STAMBPL1: variants seen among roughly 807,000 people sequenced by gnomAD.
STAMBPL1 encodes the protein STAM binding protein like 1.
A neutral mutation model predicts 52.9 loss-of-function variants in STAMBPL1; 44 were observed. That is an observed-to-expected ratio of 0.83 (90% CI 0.65 to 1.07). The LOEUF (loss-of-function observed/expected upper bound fraction) is 1.07, where lower values mean the gene tolerates loss of function less well. Among genes scored for constraint, STAMBPL1 ranks in the 50% least tolerant of loss-of-function variants. STAMBPL1 has a pLI of 0.00. For synonymous variants in STAMBPL1, 164 were observed against 177.3 expected (o/e 0.92, Z 0.60); for missense variants, 511 against 520.8 (o/e 0.98, Z 0.18).
Position 88,913,373 on chromosome 10 carries a change from T to C in STAMBPL1, c.693T>C (p.Asn231=), listed in dbSNP as rs755819121. The part of the protein sequence containing the change: ...SLLNVFADQP[N]KSDATNYASH... The stretch of plus-strand genomic sequence containing the variant: ...TGAATGTATTTGCAGATCAACCTAA[T>C]AAAAGTGATGCAACCAATTATGCTA... The change falls in exon 6 of 11, where the codon AAT becomes AAC. Residue 231 remains asparagine, a synonymous_variant. Transcript: ENST00000371926. The C allele has an allele frequency of 4.3e-6, 7 of 1,613,824 alleles. No individual in the cohort carries two copies. The highest frequency in any genetic ancestry group is 5.1e-6 in the Non-Finnish European group (6 of 1,179,838).
intron 1 of STAMBPL1, among the ~76,000 whole-genome samples, chr10:88,895,730 A>G (rs185862959): frequency 6.6e-6 from 1 of 152,378 alleles, no homozygotes; most frequent in Admixed American, 6.5e-5. Flanking sequence ...AACTAGTGAT[A>G]GAAACTGGCC....
intron 1 of STAMBPL1, among the ~76,000 whole-genome samples, chr10:88,888,748 G>T (rs1358056064): frequency 3.3e-5 from 5 of 152,176 alleles, no homozygotes; most frequent in Admixed American, 1.3e-4. Context: ...TAATTTACCA[G>T]AATTTACACA....
intron 1 of STAMBPL1, among the ~76,000 whole-genome samples, chr10:88,897,697 C>A (rs1454095519): frequency 2.0e-5 from 3 of 152,112 alleles, no homozygotes; most frequent in African/African-American, 7.2e-5. Context: ...GTAAAGTAAA[C>A]CTTGGAGGGG....
At chr10:88,887,076 G>A (rs1312109196) in intron 1 of STAMBPL1, among the ~76,000 whole-genome samples, 2 of 152,068 alleles carry the variant, frequency 1.3e-5, no homozygotes, top group African/African-American at 4.8e-5. Flanking sequence ...TTTATAAATT[G>A]TTCCACAAGA....
chr10:88,883,211 C>T (rs548286730), intron 1 of STAMBPL1, among the ~76,000 whole-genome samples: 3 of 152,088 alleles, frequency 2.0e-5, no homozygotes, highest in Admixed American at 1.3e-4. Flanking sequence ...ACTACATCAC[C>T]TCTTCTGCTA....
chr10:88,913,124 CA>C lies in STAMBPL1; in HGVS notation c.450del (p.Lys150AsnfsTer7). 1 of 1,598,112 alleles carries C rather than the reference CA, an allele frequency of 6.3e-7. No individual in the cohort carries two copies. Among genetic ancestry groups the C allele is most frequent in the Non-Finnish European group, 8.5e-7 (1 of 1,172,830 alleles). ...SKNKYKAEIL[K>X]KLEHQRLIEA... ...AGAACAAATATAAAGCTGAAATTCT[CA>C]AAAAATTGGAGCATCAGAGATTGAT... On this transcript the variant is annotated frameshift_variant, in exon 6 of 11. Transcript: ENST00000371926. LOFTEE classifies it high-confidence loss of function.
rs1055052425 is a variant in STAMBPL1 at position 88,880,631 on chromosome 10, G to A, written c.-61G>A. On this transcript the variant is annotated 5_prime_UTR_variant, in exon 1 of 11. Transcript: ENST00000371926. Reference sequence around the variant, plus strand: ...TCCCACACGGGCTGCGGACACCAAGGGTTGCTAGTGAGTAGCGGCGCGCGC... The same window carrying A: ...TCCCACACGGGCTGCGGACACCAAGAGTTGCTAGTGAGTAGCGGCGCGCGC... 1 of 152,268 alleles carries A rather than the reference G, an allele frequency of 6.6e-6. No individual in the cohort carries two copies. 9.4% of individuals were successfully genotyped at this position (152,268 alleles called of 1,614,324 possible).
At position 88,905,575 on chromosome 10, in the gene STAMBPL1, G is replaced by A; in HGVS notation, c.163G>A (p.Gly55Arg). The change falls in exon 3 of 11, where the codon GGA becomes AGA. Residue 55 changes from glycine (G) to arginine (R), a missense_variant. Coordinates refer to ENST00000371926, the MANE Select transcript of STAMBPL1 (RefSeq NM_020799.4). ...DITPRRYFRS[G>R]VEMERMASVY... ...CACTCCACGACGTTACTTTAGGTCTGGAGTAGAGATGGAGAGGATGGCGTC... is the reference window on the plus strand; with the variant it reads ...CACTCCACGACGTTACTTTAGGTCTAGAGTAGAGATGGAGAGGATGGCGTC... 6.2e-7 allele frequency: 1 copy of A among 1,614,122 alleles called. No individual in the cohort carries two copies. Among genetic ancestry groups the A allele is most frequent in the Non-Finnish European group, 8.5e-7 (1 of 1,180,010 alleles).
At chr10:88,893,523 C>T (rs369911579) in intron 1 of STAMBPL1, among the ~76,000 whole-genome samples, 6 of 152,116 alleles carry the variant, frequency 3.9e-5, no homozygotes, top group Non-Finnish European at 7.4e-5. Context: ...GGGCGGATCA[C>T]CTGAGGTCAG....
In STAMBPL1 at chr10:88,891,787, CA is replaced by C. The variant is rs542492549; in HGVS notation, c.-53-9868del. ...TTATTATTTTTACACCTCTCTGCCC[CA>C]TTCCTGGTCCTTAGCAGAATGTAAG... On this transcript the variant is annotated intron_variant, in intron 1 of 10. Coordinates refer to ENST00000371926, the MANE Select transcript of STAMBPL1 (RefSeq NM_020799.4). Among the ~76,000 whole-genome samples the C allele has an allele frequency of 1.8e-4, 28 of 152,246 alleles. 1 individual carries two copies. In the East Asian group the frequency reaches 5.2e-3, roughly 28 times the overall value.
At chr10:88,919,406 C>T (rs777161120) in intron 8 of STAMBPL1, among the ~76,000 whole-genome samples, 3 of 152,172 alleles carry the variant, frequency 2.0e-5, no homozygotes, top group Non-Finnish European at 4.4e-5. Context: ...GAGCCTCATT[C>T]TCCCATGGGA....
intron 6 of STAMBPL1, 149 bp downstream of exon 6, chr10:88,913,607 A>C (rs1845287357): frequency 1.5e-6 from 1 of 672,476 alleles, no homozygotes; most frequent in Non-Finnish European, 2.4e-6. Context: ...TTAACCTTTC[A>C]ATACTCTCTA....
chr10:88,920,013 C>CT (rs963927331), intron 8 of STAMBPL1, among the ~76,000 whole-genome samples: 15 of 151,292 alleles, frequency 9.9e-5, no homozygotes, highest in Non-Finnish European at 1.8e-4. Flanking sequence ...ATTAAAAAAA[C>CT]TTTTTTTTTG....
chr10:88,902,546 A>G (rs1012349263), intron 2 of STAMBPL1, among the ~76,000 whole-genome samples: 1 of 151,988 alleles, frequency 6.6e-6, no homozygotes, highest in Admixed American at 6.6e-5. Flanking sequence ...TGGTTCTTGT[A>G]CTGAAATAGG....
At chr10:88,907,836 A>G (rs717576) in intron 3 of STAMBPL1, among the ~76,000 whole-genome samples, 47,187 of 152,100 alleles carry the variant, frequency 0.31, 7,807 homozygotes, top group South Asian at 0.54. Flanking sequence ...CTAACCTATA[A>G]CCTTGTGATC....
chr10:88,915,509 G>A (rs942915133), intron 7 of STAMBPL1, among the ~76,000 whole-genome samples: 4 of 152,174 alleles, frequency 2.6e-5, no homozygotes, highest in African/African-American at 4.8e-5. Flanking sequence ...CACTTAAGGG[G>A]ACAGTGTGCT....
chr10:88,918,308 C>CACAT (rs1554839222), intron 8 of STAMBPL1, among the ~76,000 whole-genome samples: 107 of 144,936 alleles, frequency 7.4e-4, no homozygotes, highest in Middle Eastern at 3.6e-3. Context: ...CACACACATA[C>CACAT]ACACACACAC....
intron 3 of STAMBPL1, among the ~76,000 whole-genome samples, chr10:88,907,239 A>G (rs1342743128): frequency 6.6e-6 from 1 of 152,210 alleles, no homozygotes; most frequent in Non-Finnish European, 1.5e-5. Context: ...ATTGCCTTCC[A>G]TGATTCTACC....
rs997153753 is a variant in STAMBPL1 at position 88,890,180 on chromosome 10, G to A, written c.-54+9542G>A. Among the ~76,000 whole-genome samples the A allele has an allele frequency of 2.0e-5, 3 of 152,340 alleles. No homozygotes were observed. The East Asian group carries it at 5.8e-4, about 29-fold the overall frequency. ...TAAGCAACTGAAAGAAGCCAGTGGAGGAGGTGGTGTGAAAGAAGGCTCTAA... is the reference window on the plus strand; with the variant it reads ...TAAGCAACTGAAAGAAGCCAGTGGAAGAGGTGGTGTGAAAGAAGGCTCTAA... On this transcript the variant is annotated intron_variant, in intron 1 of 10. Coordinates refer to ENST00000371926, the MANE Select transcript of STAMBPL1 (RefSeq NM_020799.4).
Sources: allele counts gnomAD v4.1 joint callset (sites outside exome capture counted in the v4.1 genomes callset), GRCh38; gene constraint gnomAD v4.1.1; transcripts MANE v1.5; gene names NCBI Gene and HGNC (gene_info 2026-07-23, HGNC 2026-07-21).